Variants in CNOT2 observed in about 807,000 individuals in gnomAD.
CNOT2 encodes the protein CC chemokine receptor 4-negative regulator of transcription 2.
CNOT2 carries 7 observed loss-of-function variants against 72.1 expected under a neutral mutation model. The ratio of observed to expected loss-of-function variants is 0.10; its 90% CI spans 0.06 to 0.18. The LOEUF is 0.18. CNOT2 is among the 10% of genes least tolerant of loss of function. The probability of loss-of-function intolerance (pLI) is 1.00; values close to 1 mark genes in which losing one functional copy is unlikely to be tolerated. For missense variants in CNOT2, 345 were observed against 660.3 expected, an observed-to-expected ratio of 0.52 and a Z score of 5.23; for synonymous variants, 196 against 225.6, an observed-to-expected ratio of 0.87 and a Z score of 1.17.
intron 7 of CNOT2, 132 bp from the exon 8 acceptor site, chr12:70,335,306 T>G: frequency 1.6e-6 from 1 of 614,198 alleles, no homozygotes; most frequent in Non-Finnish European, 2.9e-6. Flanking sequence ...AGCACCTACA[T>G]ACACCTAGTA....
intron 6 of CNOT2, chr12:70,331,500 G>T (rs991987166): frequency 2.0e-5 from 3 of 151,596 alleles, no homozygotes; most frequent in African/African-American, 7.3e-5. Flanking sequence ...CCTTTCCATA[G>T]TTTTTCACAT....
At chr12:70,269,511 A>G (rs1212483528) in intron 1 of CNOT2, among the ~76,000 whole-genome samples, 1 of 152,188 alleles carries the variant, frequency 6.6e-6, no homozygotes, top group Non-Finnish European at 1.5e-5. Flanking sequence ...TACAGTTTTT[A>G]AAATATTGAC....
At chr12:70,264,399 T>C (rs934424542) in intron 1 of CNOT2, among the ~76,000 whole-genome samples, 2 of 152,212 alleles carry the variant, frequency 1.3e-5, no homozygotes, top group Non-Finnish European at 2.9e-5. Context: ...TTTGGGAGGC[T>C]TTTAGAGTTC....
chr12:70,297,309 C>T (rs1036017234), intron 2 of CNOT2, among the ~76,000 whole-genome samples: 6 of 152,152 alleles, frequency 3.9e-5, no homozygotes, highest in African/African-American at 1.2e-4. Flanking sequence ...TTGCAGTTAG[C>T]AGTCTTCATC....
At chr12:70,266,227 G>A (rs1189281849) in intron 1 of CNOT2, among the ~76,000 whole-genome samples, 3 of 151,708 alleles carry the variant, frequency 2.0e-5, no homozygotes, top group East Asian at 1.9e-4. Context: ...TAGTTCAAGC[G>A]GTTCTCCTGC....
chr12:70,309,852 TTAAAAA>T (rs1381861638), intron 2 of CNOT2, among the ~76,000 whole-genome samples: 1 of 152,076 alleles, frequency 6.6e-6, no homozygotes, highest in African/African-American at 2.4e-5. Context: ...TTAAAAATAA[TTAAAAA>T]TTAAAATTAG....
chr12:70,288,213 G>A (rs1180511471), intron 2 of CNOT2, among the ~76,000 whole-genome samples: 2 of 116,174 alleles, frequency 1.7e-5, no homozygotes, highest in African/African-American at 6.2e-5. Context: ...GTACGATCTT[G>A]GCTCACTGCA....
chr12:70,329,699 C>A (rs1398839429), intron 5 of CNOT2, 129 bp downstream of exon 5: 7 of 674,366 alleles, frequency 1.0e-5, no homozygotes, highest in South Asian at 1.8e-5. Flanking sequence ...GAAGAAAATA[C>A]CTATGCTCTT....
Position 70,297,220 on chromosome 12 carries a change from A to G in CNOT2, c.49-13675A>G, listed in dbSNP as rs1202406839. On this transcript the variant is annotated intron_variant, in intron 2 of 15. Transcript: ENST00000229195. ...AATTCAGAGAGAAAATAAGAACTCA[A>G]ATTCTAAATTACTCAGATCTCCATT... 1.1e-4 allele frequency among the ~76,000 whole-genome samples: 16 copies of G among 152,328 alleles called. No individual in the cohort carries two copies. The East Asian group carries it at 3.1e-3, about 29-fold the overall frequency.
chr12:70,262,172 T>A (rs1338259821), intron 1 of CNOT2, among the ~76,000 whole-genome samples: 1 of 152,158 alleles, frequency 6.6e-6, no homozygotes, highest in Non-Finnish European at 1.5e-5. Flanking sequence ...TTAAAAAGTA[T>A]TTCTCATTTT....
intron 2 of CNOT2, among the ~76,000 whole-genome samples, chr12:70,300,682 A>G (rs1873769885): frequency 6.6e-6 from 1 of 152,206 alleles, no homozygotes; most frequent in African/African-American, 2.4e-5. Context: ...CTTTTGGCTT[A>G]GGATTGACTT....
chr12:70,293,659 T>G (rs1053179722), intron 2 of CNOT2, among the ~76,000 whole-genome samples: 2 of 152,156 alleles, frequency 1.3e-5, no homozygotes, highest in African/African-American at 4.8e-5. Context: ...ATGTGTAGGT[T>G]TTAAAAGTTC....
At chr12:70,275,090 A>G (rs1476090991) in intron 1 of CNOT2, among the ~76,000 whole-genome samples, 1 of 152,006 alleles carries the variant, frequency 6.6e-6, no homozygotes, top group Non-Finnish European at 1.5e-5. Flanking sequence ...ACCTTCTAAC[A>G]TGGCTGTACT....
intron 1 of CNOT2, among the ~76,000 whole-genome samples, chr12:70,275,558 T>C (rs576389549): frequency 1.3e-5 from 2 of 152,226 alleles, no homozygotes; most frequent in East Asian, 3.9e-4. Flanking sequence ...GTTTCATATA[T>C]TTTGTCTAGT....
At chr12:70,266,029 A>G (rs1395266268) in intron 1 of CNOT2, among the ~76,000 whole-genome samples, 3 of 151,258 alleles carry the variant, frequency 2.0e-5, no homozygotes, top group African/African-American at 7.3e-5. Flanking sequence ...AAAAGAACTA[A>G]GATGCAACTA....
intron 11 of CNOT2, 38 bp downstream of exon 11, chr12:70,338,860 C>G: frequency 6.5e-7 from 1 of 1,529,086 alleles, no homozygotes; most frequent in Non-Finnish European, 9.0e-7. Context: ...GTATATAATA[C>G]CTCTTCAGAC....
chr12:70,243,128 A>C (rs1029163732), upstream of CNOT2: 1 of 152,232 alleles, frequency 6.6e-6, no homozygotes, highest in Admixed American at 6.5e-5. Context: ...TCTGCGAAGC[A>C]ACCTAGCCCC....
At chr12:70,254,707 C>T (rs1389813110) in intron 1 of CNOT2, among the ~76,000 whole-genome samples, 1 of 151,964 alleles carries the variant, frequency 6.6e-6, no homozygotes, top group African/African-American at 2.4e-5. Flanking sequence ...TTAGGCTAGG[C>T]GCAGTAGCTC....
chr12:70,284,575 CCTTTTTT>C (rs1870536183), intron 2 of CNOT2, among the ~76,000 whole-genome samples: 1 of 140,612 alleles, frequency 7.1e-6, no homozygotes, highest in East Asian at 2.1e-4. Flanking sequence ...TAAAATTTGA[CCTTTTTT>C]TTTTTTTTTT....
Sources: gnomAD v4.1 joint callset for allele counts (sites outside exome capture counted in the v4.1 genomes callset) on GRCh38, gnomAD v4.1.1 for gene constraint, MANE v1.5 for transcripts, NCBI Gene and HGNC (gene_info 2026-07-23, HGNC 2026-07-21) for gene names.